CARMIL1: variants seen among roughly 807,000 people sequenced by gnomAD.
The protein encoded by CARMIL1 is F-actin-uncapping protein LRRC16A.
Under a neutral mutation model 177.1 loss-of-function variants are expected in CARMIL1, and 90 were observed. The observed-to-expected ratio is 0.51, with a 90% CI of 0.43 to 0.61. The LOEUF (loss-of-function observed/expected upper bound fraction) is 0.61. Ranked by LOEUF, CARMIL1 falls within the 20% of genes least tolerant of loss-of-function variation. The pLI is 0.00. For synonymous variants in CARMIL1, 577 were observed against 606.2 expected (o/e 0.95, Z 0.71); for missense variants, 1,380 against 1,667.0 (o/e 0.83, Z 3.00).
intron 2 of CARMIL1, among the ~76,000 whole-genome samples, chr6:25,293,069 C>T (rs940434426): frequency 4.6e-5 from 7 of 151,210 alleles, no homozygotes; most frequent in Admixed American, 3.9e-4. Context: ...GATTTTTGTT[C>T]CCTCTCTTAT....
intron 2 of CARMIL1, among the ~76,000 whole-genome samples, chr6:25,379,857 C>T (rs970561257): frequency 1.3e-5 from 2 of 152,130 alleles, no homozygotes; most frequent in Admixed American, 6.5e-5. Context: ...TTGTTAAATA[C>T]CACATTTACT....
intron 5 of CARMIL1, among the ~76,000 whole-genome samples, chr6:25,448,740 A>C (rs1798482555): frequency 6.6e-6 from 1 of 152,150 alleles, no homozygotes; most frequent in African/African-American, 2.4e-5. Flanking sequence ...ATCTGTGTTT[A>C]ATCATGGTTG....
At chr6:25,451,987 C>CCTCCT in intron 8 of CARMIL1, 1 of 62,880 alleles carries the variant, frequency 1.6e-5, no homozygotes, top group Non-Finnish European at 3.3e-5. Context: ...TAGCATCTTG[C>CCTCCT]CCCCCCCTCC....
intron 2 of CARMIL1, among the ~76,000 whole-genome samples, chr6:25,410,942 C>T (rs1355379748): frequency 2.6e-5 from 4 of 152,102 alleles, no homozygotes; most frequent in Admixed American, 1.3e-4. Flanking sequence ...ATCCCCTGAC[C>T]CCTCTTAACT....
At chr6:25,586,022 C>T (rs1021663269) in intron 31 of CARMIL1, among the ~76,000 whole-genome samples, 1 of 152,188 alleles carries the variant, frequency 6.6e-6, no homozygotes, top group African/African-American at 2.4e-5. Flanking sequence ...TTGACAAAAC[C>T]GCCATCATCA....
Position 25,558,457 on chromosome 6 carries a change from G to C in CARMIL1, c.2742+1607G>C, listed in dbSNP as rs1810826715. ...TTTTTTGTTTGTTTAATTTGGTTTAGTTTTGTGAAAGGAAGAAAAAGGTTG... is the reference window on the plus strand; with the variant it reads ...TTTTTTGTTTGTTTAATTTGGTTTACTTTTGTGAAAGGAAGAAAAAGGTTG... On this transcript the variant is annotated intron_variant, in intron 29 of 36. Coordinates refer to ENST00000329474, the MANE Select transcript of CARMIL1 (RefSeq NM_017640.6). This position sits in a 1 kb window ranked among gnomAD's most constrained non-coding sequence, Gnocchi z 4.1. 6.6e-6 allele frequency among the ~76,000 whole-genome samples: 1 copy of C among 152,164 alleles called. No individual in the cohort carries two copies. Among genetic ancestry groups the C allele is most frequent in the South Asian group, 2.1e-4 (1 of 4,834 alleles).
intron 2 of CARMIL1, among the ~76,000 whole-genome samples, chr6:25,375,168 A>G (rs1420993101): frequency 6.6e-6 from 1 of 152,134 alleles, no homozygotes; most frequent in Non-Finnish European, 1.5e-5. Flanking sequence ...TCCTTTTAGT[A>G]TTTCTTGTAG....
chr6:25,451,276 C>T (rs371540348), intron 8 of CARMIL1, among the ~76,000 whole-genome samples: 6 of 151,958 alleles, frequency 3.9e-5, no homozygotes, highest in African/African-American at 1.5e-4. Flanking sequence ...GTTCTTATGT[C>T]AGCCTACAAA....
chr6:25,555,051 G>A (rs971095721), intron 28 of CARMIL1, among the ~76,000 whole-genome samples: 2 of 152,134 alleles, frequency 1.3e-5, no homozygotes, highest in African/African-American at 4.8e-5. Flanking sequence ...GTGGACCAGA[G>A]GTGGCCCACT....
At chr6:25,503,979 A>G (rs548746213) in intron 17 of CARMIL1, among the ~76,000 whole-genome samples, 36 of 152,248 alleles carry the variant, frequency 2.4e-4, no homozygotes, top group Admixed American at 1.2e-3. Flanking sequence ...TAAGAGCTCA[A>G]TGCATCCTGT....
chr6:25,373,804 C>T (rs59854261), intron 2 of CARMIL1, among the ~76,000 whole-genome samples: 1,824 of 152,156 alleles, frequency 0.012, 23 homozygotes, highest in African/African-American at 0.039. Context: ...AGAATGGTCT[C>T]GATCTCCTGA....
chr6:25,388,666 T>TTTTTA (rs879896782), intron 2 of CARMIL1, among the ~76,000 whole-genome samples: 58 of 152,066 alleles, frequency 3.8e-4, no homozygotes, highest in East Asian at 5.8e-4. Context: ...ACCTGGCCTT[T>TTTTTA]TTTTATTTTA....
chr6:25,353,541 T>C (rs1788307780), intron 2 of CARMIL1, among the ~76,000 whole-genome samples: 2 of 152,250 alleles, frequency 1.3e-5, no homozygotes, highest in South Asian at 4.1e-4. Flanking sequence ...CTGCATGTTA[T>C]GTGCTCTTAT....
At position 25,326,027 on chromosome 6, in the gene CARMIL1, G is replaced by A. The variant is rs1175658539; in HGVS notation, c.138+41118G>A. Among the ~76,000 whole-genome samples, 5 of 152,028 alleles carry A rather than the reference G, an allele frequency of 3.3e-5. No individual in the cohort carries two copies. The highest frequency in any genetic ancestry group is 4.8e-5 in the African/African-American group (2 of 41,380). ...TGGGACTACAGGCGCGCACCAGCTC[G>A]CCCGGCTAATTTTTTGTATTTTAGT... On this transcript the variant is annotated intron_variant, in intron 2 of 36. Coordinates refer to ENST00000329474, the MANE Select transcript of CARMIL1 (RefSeq NM_017640.6). This position sits in a 1 kb window ranked among gnomAD's most constrained non-coding sequence, Gnocchi z 4.2.
intron 2 of CARMIL1, among the ~76,000 whole-genome samples, chr6:25,293,562 A>G (rs1782157883): frequency 6.6e-6 from 1 of 150,708 alleles, no homozygotes; most frequent in Non-Finnish European, 1.5e-5. Context: ...TTTTTTTCCT[A>G]GAGATGGGGT....
chr6:25,516,927 A>T (rs1280621361), intron 21 of CARMIL1, among the ~76,000 whole-genome samples: 1 of 152,090 alleles, frequency 6.6e-6, no homozygotes, highest in Non-Finnish European at 1.5e-5. Context: ...GTTTGGGGGG[A>T]ACAATCTCAG....
intron 5 of CARMIL1, among the ~76,000 whole-genome samples, chr6:25,445,151 T>G (rs748799473): frequency 1.8e-4 from 28 of 152,246 alleles, no homozygotes; most frequent in Non-Finnish European, 2.5e-4. Context: ...TTATCAGAAG[T>G]AGATTCCATC....
intron 34 of CARMIL1, among the ~76,000 whole-genome samples, chr6:25,605,690 C>T (rs1980453): frequency 0.77 from 117,264 of 152,136 alleles, 45,299 homozygotes; most frequent in East Asian, 0.88. Flanking sequence ...CACTTACATT[C>T]GGTTATACCT....
At chr6:25,609,759 A>G (rs1311282167) in intron 35 of CARMIL1, among the ~76,000 whole-genome samples, 1 of 152,206 alleles carries the variant, frequency 6.6e-6, no homozygotes, top group African/African-American at 2.4e-5. Context: ...GAAGGAACAT[A>G]TGGTTCACAT....
Sources: allele counts gnomAD v4.1 joint callset (sites outside exome capture counted in the v4.1 genomes callset), GRCh38; gene constraint gnomAD v4.1.1; non-coding constraint Gnocchi (gnomAD v3.1); transcripts MANE v1.5; gene names NCBI Gene and HGNC (gene_info 2026-07-23, HGNC 2026-07-21).